Variants in TEX101 observed in about 807,000 individuals in gnomAD.
TEX101 encodes testis expressed 101, also known as testis-expressed protein 101.
TEX101 carries 10 observed loss-of-function variants against 18.1 expected under a neutral mutation model. The observed-to-expected ratio is 0.55, with a 90% CI of 0.34 to 0.94. TEX101 has a LOEUF of 0.94. Ranked by LOEUF, TEX101 falls within the 40% of genes least tolerant of loss-of-function variation. The pLI, the probability that TEX101 is intolerant of heterozygous loss-of-function variation, is 0.02. For missense variants in TEX101, 259 were observed against 298.9 expected (o/e 0.87, Z 0.98); for synonymous variants, 94 against 114.8 (o/e 0.82, Z 1.16).
chr19:43,407,654 T>G (rs1034928268), intron 3 of TEX101, among the ~76,000 whole-genome samples: 2 of 152,208 alleles, frequency 1.3e-5, no homozygotes, highest in African/African-American at 4.8e-5. Flanking sequence ...TGTGCTTGGA[T>G]GAGGGACCAC....
chr19:43,400,113 C>A (rs1284047405), upstream of TEX101, among the ~76,000 whole-genome samples: 1 of 152,214 alleles, frequency 6.6e-6, no homozygotes, highest in Non-Finnish European at 1.5e-5. Context: ...CCAAGCCCGG[C>A]CTCCTATGTC....
intron 2 of TEX101, among the ~76,000 whole-genome samples, chr19:43,405,593 A>G (rs983920643): frequency 6.6e-6 from 1 of 151,272 alleles, no homozygotes; most frequent in Non-Finnish European, 1.5e-5. Context: ...AGACAAAGAC[A>G]AGATCCAATA....
At chr19:43,393,002 G>A in the TEX101 span, among the ~76,000 whole-genome samples, 4 of 151,778 alleles carry the variant, frequency 2.6e-5, no homozygotes, top group South Asian at 8.3e-4. Flanking sequence ...AGGTTGCAGT[G>A]AGCCAAGATT....
chr19:43,412,049 CA>C (rs923307003), upstream of TEX101, among the ~76,000 whole-genome samples: 2 of 152,084 alleles, frequency 1.3e-5, no homozygotes, highest in Non-Finnish European at 2.9e-5. Context: ...TCTCTTGCAC[CA>C]AAAAGGCAAA....
intron 2 of TEX101, among the ~76,000 whole-genome samples, chr19:43,405,307 AC>A (rs1342127522): frequency 6.6e-6 from 1 of 152,072 alleles, no homozygotes; most frequent in African/African-American, 2.4e-5. Context: ...GGTGGCTCAC[AC>A]CTGTAATCCC....
At chr19:43,395,475 A>AT in the TEX101 span, among the ~76,000 whole-genome samples, 1 of 152,176 alleles carries the variant, frequency 6.6e-6, no homozygotes. Context: ...TCTTATTTAA[A>AT]TTTAGAGTGT....
At position 43,418,013 on chromosome 19, in the gene TEX101, T is replaced by G. The variant is rs758615443; in HGVS notation, c.520+7T>G. ...AAACTTGAGATCACTGGAGGTAAAC[T>G]GAAATGAACATCTGATAGTTTCAGA... is the stretch of plus-strand genomic sequence containing the variant. On this transcript the variant is annotated splice_region_variant and intron_variant, in intron 5 of 5. Transcript: ENST00000598265. The G allele has an allele frequency of 2.5e-6, 4 of 1,614,208 alleles. No individual in the cohort carries two copies. Among genetic ancestry groups the G allele is most frequent in the Non-Finnish European group, 3.4e-6 (4 of 1,180,042 alleles).
chr19:43,391,855 G>A, the TEX101 span, among the ~76,000 whole-genome samples: 1 of 152,244 alleles, frequency 6.6e-6, no homozygotes, highest in African/African-American at 2.4e-5. Context: ...GTCAGCAGGT[G>A]AGTGCATTGG....
At chr19:43,415,835 C>T (rs768304506) in intron 1 of TEX101, 46 bp from the exon 2 acceptor site, 10 of 1,540,654 alleles carry the variant, frequency 6.5e-6, no homozygotes, top group Non-Finnish European at 8.1e-6. Flanking sequence ...TGATCTCATG[C>T]ACTCTGGCTG....
the TEX101 span, among the ~76,000 whole-genome samples, chr19:43,392,719 GAGAC>G: frequency 2.4e-4 from 37 of 152,250 alleles, 1 homozygote; most frequent in East Asian, 7.2e-3. Context: ...TACAGAGTGA[GAGAC>G]AGACAGTGTG....
At chr19:43,413,606 T>A (rs544801399), upstream of TEX101, among the ~76,000 whole-genome samples, 8 of 152,098 alleles carry the variant, frequency 5.3e-5, no homozygotes, top group East Asian at 1.4e-3. Flanking sequence ...TAATCCAGTA[T>A]CTGAGGAGTT....
rs766848875 is a variant in TEX101, at chr19:43,416,521, C to T, written c.357C>T (p.Ser119=). 4.3e-6 allele frequency: 7 copies of T among 1,613,882 alleles called. No individual in the cohort carries two copies. Among genetic ancestry groups the T allele is most frequent in the African/African-American group, 1.3e-5 (1 of 74,906 alleles). Residue 119 remains serine, a synonymous_variant, in exon 4 of 6, where the codon AGC becomes AGT. Transcript: ENST00000598265. Reference sequence around the variant, plus strand: ...ATTCCTTCTGTAATGACAAAGACAGCCTGTCTCAGTTTTGGGAGTTCAGTG... The same window carrying T: ...ATTCCTTCTGTAATGACAAAGACAGTCTGTCTCAGTTTTGGGAGTTCAGTG... ...CEDSFCNDKD[S]LSQFWEFSET...
chr19:43,415,287 C>CT (rs1418973972), intron 1 of TEX101, among the ~76,000 whole-genome samples: 1 of 151,946 alleles, frequency 6.6e-6, no homozygotes, highest in Non-Finnish European at 1.5e-5. Flanking sequence ...ACCCCTGAGA[C>CT]TGAGGGAGAA....
At chr19:43,391,542 T>G in the TEX101 span, among the ~76,000 whole-genome samples, 6 of 151,962 alleles carry the variant, frequency 3.9e-5, no homozygotes, top group Non-Finnish European at 8.8e-5. Context: ...TGGCCATTTG[T>G]AAATTAATTT....
chr19:43,391,053 T>G, the TEX101 span, among the ~76,000 whole-genome samples: 3 of 152,232 alleles, frequency 2.0e-5, no homozygotes, highest in Non-Finnish European at 2.9e-5. Context: ...CAAGGCTCAT[T>G]CATGTTGAAG....
intron 4 of TEX101, among the ~76,000 whole-genome samples, chr19:43,417,482 G>A (rs919624168): frequency 3.3e-5 from 5 of 152,056 alleles, no homozygotes; most frequent in African/African-American, 1.2e-4. Context: ...GCTAACCCCT[G>A]TTCATCCTCC....
intron 3 of TEX101, among the ~76,000 whole-genome samples, chr19:43,408,858 G>A (rs1343545419): frequency 6.6e-6 from 1 of 152,158 alleles, no homozygotes; most frequent in East Asian, 1.9e-4. Flanking sequence ...AACTTCTCAA[G>A]CACCGATGCT....
intron 5 of TEX101, 74 bp from the exon 6 acceptor site, chr19:43,418,094 G>A: frequency 6.2e-7 from 1 of 1,611,582 alleles, no homozygotes. Context: ...GCTCTCCAGG[G>A]ATGAGGGGGG....
chr19:43,392,075 G>C, the TEX101 span, among the ~76,000 whole-genome samples: 1 of 152,160 alleles, frequency 6.6e-6, no homozygotes, highest in African/African-American at 2.4e-5. Flanking sequence ...CACACAGAGA[G>C]AGTTGGGGCA....
Sources: gnomAD v4.1 joint callset for allele counts (sites outside exome capture counted in the v4.1 genomes callset) on GRCh38, gnomAD v4.1.1 for gene constraint, MANE v1.5 for transcripts, NCBI Gene and HGNC (gene_info 2026-07-23, HGNC 2026-07-21) for gene names.